DENND5A: variants seen among roughly 807,000 people sequenced by gnomAD.
DENND5A encodes DENN domain-containing protein 5A.
DENND5A carries 64 observed loss-of-function variants against 140.3 expected under a neutral mutation model. The observed-to-expected ratio is 0.46, with a 90% confidence interval of 0.37 to 0.56. The LOEUF is 0.56. DENND5A is among the 20% of genes least tolerant of loss of function. The pLI, the probability that DENND5A is intolerant of heterozygous loss-of-function variation, is 0.00. For missense variants in DENND5A, 1,292 were observed against 1,593.8 expected (o/e 0.81, Z 3.22); for synonymous variants, 605 against 607.7 (o/e 1.00, Z 0.07).
Position 9,243,108 on chromosome 11 carries a change from AAAAAAAAAC to A in DENND5A, c.109+21844_109+21852del, listed in dbSNP as rs1851314085. 4.1e-5 allele frequency among the ~76,000 whole-genome samples: 6 copies of A among 146,978 alleles called. 1 individual carries two copies. The highest frequency in any genetic ancestry group is 2.1e-4 in the South Asian group (1 of 4,734). On this transcript the variant is annotated intron_variant, in intron 1 of 22. Transcript: ENST00000328194. ...GTCTCAAAAAAAAAAAAAAAAACAA[AAAAAAAAAC>A]TGAGGCGAGTAAGGCTAATTGGAAT...
At chr11:9,189,317 G>A (rs1001112785) in intron 5 of DENND5A, among the ~76,000 whole-genome samples, 1 of 152,226 alleles carries the variant, frequency 6.6e-6, no homozygotes, top group Non-Finnish European at 1.5e-5. Flanking sequence ...TTGTTGCAGG[G>A]ACAGGGCCCT....
At chr11:9,254,948 G>A (rs1851881573) in intron 1 of DENND5A, among the ~76,000 whole-genome samples, 1 of 151,866 alleles carries the variant, frequency 6.6e-6, no homozygotes, top group Admixed American at 6.6e-5. Context: ...GCAGATGCAT[G>A]TAATCCCAGC....
chr11:9,234,330 T>C (rs1456793501), intron 1 of DENND5A, among the ~76,000 whole-genome samples: 1 of 149,560 alleles, frequency 6.7e-6, no homozygotes, highest in Admixed American at 6.7e-5. Flanking sequence ...CCCAAAAAAA[T>C]GAGCAAAAAG....
chr11:9,254,651 G>A (rs1450383061), intron 1 of DENND5A, among the ~76,000 whole-genome samples: 1 of 152,174 alleles, frequency 6.6e-6, no homozygotes, highest in Non-Finnish European at 1.5e-5. Context: ...CAGCCCAGTA[G>A]AGGAAGATGA....
chr11:9,181,086 TG>T lies in DENND5A; in HGVS notation c.1138-3del, dbSNP rs771124594. 3.1e-6 allele frequency: 5 copies of T among 1,610,656 alleles called. No homozygotes were observed. In the African/African-American group the frequency reaches 6.7e-5, roughly 22 times the overall value. ...AATGTCCACAAAGCAGAGGTTAGCC[TG>T]GAAGTCAAAACAGGATGAGGAGTAT... On this transcript the variant is annotated splice_polypyrimidine_tract_variant and splice_region_variant and intron_variant, in intron 5 of 22. Coordinates refer to ENST00000328194, the MANE Select transcript of DENND5A (RefSeq NM_015213.4).
chr11:9,143,160 T>G, intron 20 of DENND5A: 1 of 593,204 alleles, frequency 1.7e-6, no homozygotes, highest in Non-Finnish European at 3.0e-6. Context: ...ATAGGCACTG[T>G]TCACTAGGGG....
intron 12 of DENND5A, among the ~76,000 whole-genome samples, chr11:9,157,334 T>C (rs750488464): frequency 6.6e-6 from 1 of 152,220 alleles, no homozygotes; most frequent in African/African-American, 2.4e-5. Flanking sequence ...TTTAATTCTT[T>C]TAACTTTTAT....
At chr11:9,148,647 C>T (rs1256440501) in intron 15 of DENND5A, among the ~76,000 whole-genome samples, 4 of 151,952 alleles carry the variant, frequency 2.6e-5, no homozygotes, top group East Asian at 1.9e-4. Context: ...AGTGTAGGTA[C>T]GGAGAAGAAG....
At chr11:9,245,296 A>AC (rs1168812581) in intron 1 of DENND5A, 1 of 150,180 alleles carries the variant, frequency 6.7e-6, no homozygotes, top group Non-Finnish European at 1.5e-5. Flanking sequence ...AAAAAAAAAA[A>AC]ACACAAAAAA....
intron 1 of DENND5A, among the ~76,000 whole-genome samples, chr11:9,225,719 G>A (rs537972239): frequency 3.7e-4 from 56 of 152,270 alleles, no homozygotes; most frequent in African/African-American, 1.1e-3. Context: ...CCAAGATCAC[G>A]CCACTCTACT....
chr11:9,255,358 A>C (rs1227792223), intron 1 of DENND5A, among the ~76,000 whole-genome samples: 2 of 152,130 alleles, frequency 1.3e-5, no homozygotes, highest in African/African-American at 2.4e-5. Context: ...TGGGAGGCCA[A>C]GTCGGGAGTA....
At chr11:9,186,570 A>G (rs1848920278) in intron 5 of DENND5A, among the ~76,000 whole-genome samples, 1 of 152,254 alleles carries the variant, frequency 6.6e-6, no homozygotes, top group East Asian at 1.9e-4. Flanking sequence ...CTTTTCTCCC[A>G]CTACTGTGAA....
At chr11:9,261,945 A>T (rs546092717) in intron 1 of DENND5A, among the ~76,000 whole-genome samples, 66 of 152,190 alleles carry the variant, frequency 4.3e-4, no homozygotes, top group Non-Finnish European at 9.0e-4. Context: ...CCACATTTTT[A>T]AAAAAACAGA....
At chr11:9,145,970 T>G (rs374783292) in intron 16 of DENND5A, among the ~76,000 whole-genome samples, 155 bp from the exon 17 acceptor site, 5 of 152,170 alleles carry the variant, frequency 3.3e-5, no homozygotes, top group Non-Finnish European at 5.9e-5. Flanking sequence ...CAGGACCTAG[T>G]CCCTGGCTAA....
chr11:9,210,026 G>A (rs1849822011), intron 1 of DENND5A, among the ~76,000 whole-genome samples: 1 of 152,016 alleles, frequency 6.6e-6, no homozygotes, highest in South Asian at 2.1e-4. Context: ...AGAATCACTT[G>A]AACCCGGGGG....
intron 11 of DENND5A, 36 bp from the exon 12 acceptor site, chr11:9,160,901 A>G: frequency 1.2e-6 from 2 of 1,607,290 alleles, no homozygotes; most frequent in Non-Finnish European, 1.7e-6. Context: ...AAATAACCAC[A>G]GTGAGCAGGA....
chr11:9,196,234 T>G (rs767386459), intron 4 of DENND5A, among the ~76,000 whole-genome samples: 3 of 152,186 alleles, frequency 2.0e-5, no homozygotes, highest in Non-Finnish European at 4.4e-5. Context: ...ATTACAGGTG[T>G]GAGCCACCGT....
At chr11:9,139,973 C>T in intron 22 of DENND5A, 119 bp from the exon 23 acceptor site, 1 of 1,081,198 alleles carries the variant, frequency 9.2e-7, no homozygotes. Context: ...AAGCTGACAG[C>T]CCCCCACACC....
At chr11:9,167,292 G>A (rs1848223393) in intron 10 of DENND5A, among the ~76,000 whole-genome samples, 1 of 151,656 alleles carries the variant, frequency 6.6e-6, no homozygotes, top group South Asian at 2.1e-4. Flanking sequence ...CCCAAGGTTA[G>A]GGTCCAATTA....
Sources: gnomAD v4.1 joint callset for allele counts (sites outside exome capture counted in the v4.1 genomes callset) on GRCh38, gnomAD v4.1.1 for gene constraint, MANE v1.5 for transcripts, NCBI Gene and HGNC (gene_info 2026-07-23, HGNC 2026-07-21) for gene names.